Variants in NOSTRIN observed in about 807,000 individuals in gnomAD.
NOSTRIN encodes the protein nitric oxide synthase trafficking, also known as BM247 homolog.
In NOSTRIN, 63 loss-of-function variants were observed where a neutral mutation model predicts 59.0. The ratio of observed to expected loss-of-function variants is 1.07; its 90% CI spans 0.87 to 1.32. The LOEUF (loss-of-function observed/expected upper bound fraction) is 1.32. Ranked by LOEUF, NOSTRIN falls within the 40% of genes most tolerant of loss-of-function variation. The pLI, the probability that NOSTRIN is intolerant of heterozygous loss-of-function variation, is 0.00. For synonymous variants in NOSTRIN, 200 were observed against 165.4 expected, an observed-to-expected ratio of 1.21 and a Z score of -1.61; for missense variants, 512 against 473.1, an observed-to-expected ratio of 1.08 and a Z score of -0.76.
intron 1 of NOSTRIN, among the ~76,000 whole-genome samples, chr2:168,803,600 T>C (rs2105517841): frequency 6.6e-6 from 1 of 152,354 alleles, no homozygotes; most frequent in Non-Finnish European, 1.5e-5. Context: ...AATGGAACTA[T>C]AGTTACTATT....
chr2:168,791,364 T>A (rs1371632467), intron 2 of NOSTRIN, among the ~76,000 whole-genome samples: 1 of 152,232 alleles, frequency 6.6e-6, no homozygotes. Flanking sequence ...GGTGTATATG[T>A]GCCACATTTT....
chr2:168,847,702 A>G (rs1042540671), intron 8 of NOSTRIN, among the ~76,000 whole-genome samples: 1 of 152,206 alleles, frequency 6.6e-6, no homozygotes, highest in East Asian at 1.9e-4. Flanking sequence ...CTTTGTTCAT[A>G]TATACTATTG....
chr2:168,839,101 T>C (rs1306309368), intron 7 of NOSTRIN, among the ~76,000 whole-genome samples: 1 of 152,156 alleles, frequency 6.6e-6, no homozygotes. Context: ...AACTCTTTCA[T>C]GTGGCCTGTA....
intron 2 of NOSTRIN, chr2:168,818,310 C>T (rs1453181333): frequency 3.2e-6 from 1 of 311,874 alleles, no homozygotes; most frequent in Non-Finnish European, 6.6e-6. Context: ...TGTGCCACTG[C>T]TCTGGGCTAA....
intron 7 of NOSTRIN, among the ~76,000 whole-genome samples, chr2:168,840,529 CA>C (rs59235003): frequency 0.28 from 28,210 of 100,334 alleles, 3,455 homozygotes; most frequent in African/African-American, 0.42. Flanking sequence ...GACTCCATCT[CA>C]AAAAAAAAAA....
At chr2:168,792,735 C>T (rs980886942) in intron 2 of NOSTRIN, among the ~76,000 whole-genome samples, 7 of 152,086 alleles carry the variant, frequency 4.6e-5, no homozygotes, top group Non-Finnish European at 7.3e-5. Context: ...CTGCCTCGGC[C>T]TCCGAAAGTG....
In NOSTRIN at chr2:168,851,138, C is replaced by A. The variant is rs1688741969; in HGVS notation, c.685C>A (p.Gln229Lys). The A allele has an allele frequency of 1.2e-6, 2 of 1,604,330 alleles. No homozygotes were observed. The highest frequency in any genetic ancestry group is 1.1e-5 in the South Asian group (1 of 90,930). Residue 229 changes from glutamine to lysine, a missense_variant, in exon 9 of 16, where the codon CAG becomes AAG. By Grantham distance (53) the Gln-to-Lys change is moderately conservative (BLOSUM62 1). Transcript: ENST00000317647. ...RIQLLCNNLN[Q>K]YSQHISLFGQ... Reference sequence around the variant, plus strand: ...TCAACTTTTATGCAATAACTTAAACCAGTACAGCCAACATATTTCTCTTTT... The same window carrying A: ...TCAACTTTTATGCAATAACTTAAACAAGTACAGCCAACATATTTCTCTTTT...
At chr2:168,856,824 G>T (rs370018048) in intron 12 of NOSTRIN, 46 bp downstream of exon 12, 3 of 1,556,060 alleles carry the variant, frequency 1.9e-6, no homozygotes, top group Admixed American at 1.7e-5. Context: ...GATGAAAAGG[G>T]TTATTTTTAG....
At chr2:168,850,929 G>A (rs568755840) in intron 8 of NOSTRIN, 155 bp from the exon 9 acceptor site, 1 of 802,370 alleles carries the variant, frequency 1.2e-6, no homozygotes, top group East Asian at 2.6e-5. Context: ...ATTCCTTCCT[G>A]GAAATCTCCC....
intron 7 of NOSTRIN, among the ~76,000 whole-genome samples, chr2:168,836,695 A>G (rs1456466451): frequency 6.6e-6 from 1 of 152,208 alleles, no homozygotes; most frequent in Non-Finnish European, 1.5e-5. Flanking sequence ...CTCACAGAGT[A>G]AATAGAAGTC....
chr2:168,855,309 T>C (rs1162331333), intron 10 of NOSTRIN, 43 bp from the exon 11 acceptor site: 4 of 1,045,346 alleles, frequency 3.8e-6, no homozygotes, highest in Middle Eastern at 2.6e-4. Flanking sequence ...ATAGCAACTC[T>C]TACTTCTTCC....
chr2:168,813,234 G>C (rs1366668019), intron 2 of NOSTRIN, among the ~76,000 whole-genome samples: 1 of 152,166 alleles, frequency 6.6e-6, no homozygotes, highest in Non-Finnish European at 1.5e-5. Context: ...TGCAGAGCAG[G>C]AAGAATCTAT....
chr2:168,840,583 G>A (rs1029188563), intron 7 of NOSTRIN, among the ~76,000 whole-genome samples: 5 of 150,820 alleles, frequency 3.3e-5, no homozygotes, highest in African/African-American at 1.2e-4. Context: ...TGTAGGTCAT[G>A]CATCAGAGCT....
At chr2:168,812,919 A>G (rs1686224569) in intron 2 of NOSTRIN, among the ~76,000 whole-genome samples, 1 of 152,220 alleles carries the variant, frequency 6.6e-6, no homozygotes, top group South Asian at 2.1e-4. Flanking sequence ...CTTTATCAGC[A>G]CCAAATAAAT....
Position 168,851,038 on chromosome 2 carries a change from T to C in NOSTRIN, c.631-46T>C, listed in dbSNP as rs1214455337. ...CAGTGTTTGATGAGTGACTTCCATT[T>C]TGCATAACAACTGGCTGATCTTACC... is the stretch of plus-strand genomic sequence containing the variant. On this transcript the variant is annotated intron_variant, in intron 8 of 15. Coordinates refer to ENST00000317647, the MANE Select transcript of NOSTRIN (RefSeq NM_001039724.4). 5 of 1,097,744 alleles carry C rather than the reference T, an allele frequency of 4.6e-6. No individual in the cohort carries two copies. In the African/African-American group the frequency reaches 7.6e-5, roughly 17 times the overall value. The allele number at this position is 1,097,744 out of a possible 1,614,324, so 68.0% of individuals were successfully genotyped here. A position where few individuals can be genotyped will look rare whatever the true frequency, so the allele number is the denominator to read the frequency against.
At chr2:168,831,002 G>A (rs1452072825) in intron 5 of NOSTRIN, among the ~76,000 whole-genome samples, 1 of 152,162 alleles carries the variant, frequency 6.6e-6, no homozygotes, top group Non-Finnish European at 1.5e-5. Flanking sequence ...TATGTCCATT[G>A]TAAGATCTTG....
intron 8 of NOSTRIN, among the ~76,000 whole-genome samples, chr2:168,845,275 G>T (rs966588037): frequency 7.9e-5 from 12 of 152,142 alleles, no homozygotes; most frequent in Non-Finnish European, 1.3e-4. Flanking sequence ...ACTTCCTGAT[G>T]AAGCCGTGGT....
At chr2:168,795,858 A>G (rs370978402), upstream of NOSTRIN, among the ~76,000 whole-genome samples, 3 of 152,316 alleles carry the variant, frequency 2.0e-5, 1 homozygote. Flanking sequence ...GTTTGTCCCC[A>G]CTGCTTCTGC....
chr2:168,796,304 C>T (rs1347976252), upstream of NOSTRIN, among the ~76,000 whole-genome samples: 1 of 152,216 alleles, frequency 6.6e-6, no homozygotes, highest in Non-Finnish European at 1.5e-5. Context: ...ACGTGTCACC[C>T]ATGTCATAGC....
Sources: gnomAD v4.1 joint callset for allele counts (sites outside exome capture counted in the v4.1 genomes callset) on GRCh38, gnomAD v4.1.1 for gene constraint, MANE v1.5 for transcripts, NCBI Gene and HGNC (gene_info 2026-07-23, HGNC 2026-07-21) for gene names.